Variants in STXBP3 observed in about 807,000 individuals in gnomAD.
STXBP3 encodes syntaxin binding protein 3.
A neutral mutation model predicts 85.7 loss-of-function variants in STXBP3; 41 were observed. The observed-to-expected ratio is 0.48, with a 90% CI of 0.37 to 0.62. STXBP3 has a LOEUF of 0.62. STXBP3 is among the 20% of genes least tolerant of loss of function. The pLI, the probability that STXBP3 is intolerant of heterozygous loss-of-function variation, is 0.00. For missense variants in STXBP3, 563 were observed against 703.1 expected (o/e 0.80, Z 2.25); for synonymous variants, 229 against 231.7 (o/e 0.99, Z 0.10).
At chr1:108,807,308 T>C in intron 17 of STXBP3, 93 bp from the exon 18 acceptor site, 1 of 1,270,168 alleles carries the variant, frequency 7.9e-7, no homozygotes, top group South Asian at 1.4e-5. Flanking sequence ...CAAGTTTGAG[T>C]TTGGTTGAGT....
chr1:108,758,081 C>T (rs1429054041), intron 4 of STXBP3, among the ~76,000 whole-genome samples: 2 of 151,842 alleles, frequency 1.3e-5, no homozygotes, highest in South Asian at 2.1e-4. Context: ...CTCACTGTGT[C>T]TCACTTCAAC....
At chr1:108,754,696 G>T (rs963233428) in intron 3 of STXBP3, among the ~76,000 whole-genome samples, 19 of 152,164 alleles carry the variant, frequency 1.2e-4, no homozygotes, top group Admixed American at 2.6e-4. Flanking sequence ...GTATTAAACA[G>T]AGCTCCACAG....
At chr1:108,779,497 C>T (rs541815907) in intron 9 of STXBP3, 87 bp downstream of exon 9, 21 of 1,342,442 alleles carry the variant, frequency 1.6e-5, no homozygotes, top group Admixed American at 2.5e-5. Flanking sequence ...CACCAGAAAT[C>T]TGAAAGCCCC....
At chr1:108,757,784 G>T (rs1230464324) in intron 4 of STXBP3, among the ~76,000 whole-genome samples, 1 of 151,698 alleles carries the variant, frequency 6.6e-6, no homozygotes, top group Admixed American at 6.6e-5. Context: ...ATAAATAAAT[G>T]GTTTAGCTAA....
chr1:108,806,202 A>G (rs76742156), intron 17 of STXBP3, among the ~76,000 whole-genome samples: 1,595 of 152,312 alleles, frequency 0.01, 22 homozygotes, highest in Middle Eastern at 0.031. Context: ...GAGCAGTGCT[A>G]GCCAATAGAA....
chr1:108,785,826 A>G (rs1003102836), intron 11 of STXBP3, among the ~76,000 whole-genome samples: 6 of 152,212 alleles, frequency 3.9e-5, no homozygotes, highest in Non-Finnish European at 2.9e-5. Flanking sequence ...CTGCTAAAGC[A>G]TAGCAAGAGT....
chr1:108,782,049 G>A (rs1662724715), intron 9 of STXBP3: 1 of 161,922 alleles, frequency 6.2e-6, no homozygotes, highest in Non-Finnish European at 1.3e-5. Flanking sequence ...TAATTGTACT[G>A]TGGGTTATTA....
intron 6 of STXBP3, among the ~76,000 whole-genome samples, chr1:108,772,262 TG>T (rs1662472030): frequency 1.3e-5 from 1 of 76,676 alleles, no homozygotes; most frequent in East Asian, 2.3e-4. Context: ...TAAATACATA[TG>T]ATATCTATCT....
chr1:108,798,010 C>T, intron 15 of STXBP3, 135 bp from the exon 16 acceptor site: 1 of 677,952 alleles, frequency 1.5e-6, no homozygotes, highest in Non-Finnish European at 2.4e-6. Flanking sequence ...TTAAAATAGG[C>T]ATCTCCACTC....
chr1:108,763,977 T>C (rs538710123), intron 6 of STXBP3, among the ~76,000 whole-genome samples: 2 of 152,274 alleles, frequency 1.3e-5, no homozygotes, highest in Admixed American at 1.3e-4. Flanking sequence ...GATTATTTCA[T>C]CACCCAGGTA....
intron 16 of STXBP3, among the ~76,000 whole-genome samples, chr1:108,799,649 C>T (rs1663190903): frequency 1.3e-5 from 2 of 152,160 alleles, no homozygotes; most frequent in South Asian, 4.1e-4. Flanking sequence ...AGTTCATGCA[C>T]ACCTAACCAT....
rs780485194 is a variant in STXBP3 at position 108,782,450 on chromosome 1, G to A, written c.838G>A (p.Ala280Thr). ...KYKTDGKEKE[A>T]ILEEEDDLWV... ...TAAAACAGATGGAAAAGAAAAGGAG[G>A]CCATCCTTGAAGAAGAAGATGACCT... is the stretch of plus-strand genomic sequence containing the variant. The change falls in exon 10 of 19, where the codon GCC (alanine) becomes ACC (threonine). Residue 280 changes from alanine (A) to threonine (T), a missense_variant. Physicochemically the swap from Ala to Thr is moderately conservative, Grantham distance 58 (BLOSUM62 0). Around this residue, in one of 3 missense-constraint regions of STXBP3, gnomAD observed 494 missense variants for 592.8 expected, o/e 0.83. Transcript: ENST00000370008. 1 of 1,613,580 alleles carries A rather than the reference G, an allele frequency of 6.2e-7. No individual in the cohort carries two copies.
chr1:108,804,398 C>T (rs577538155), intron 17 of STXBP3, among the ~76,000 whole-genome samples: 1 of 151,964 alleles, frequency 6.6e-6, no homozygotes, highest in South Asian at 2.1e-4. Context: ...TTTGTTATTT[C>T]TTATTTTGTC....
chr1:108,798,409 T>TC (rs1221875599), intron 16 of STXBP3, among the ~76,000 whole-genome samples, 172 bp downstream of exon 16: 2 of 146,422 alleles, frequency 1.4e-5, no homozygotes, highest in African/African-American at 5.0e-5. Context: ...TCTTCTTCTT[T>TC]TTTTTTTTTT....
chr1:108,782,749 T>A, intron 11 of STXBP3, 43 bp downstream of exon 11: 29 of 1,456,864 alleles, frequency 2.0e-5, no homozygotes, highest in South Asian at 2.5e-5. Context: ...TGAAGGTGAA[T>A]TTTAAAGTTT....
In STXBP3 at chr1:108,807,534, T is replaced by C; in HGVS notation, c.1669T>C (p.Cys557Arg). Residue 557 changes from cysteine (C) to arginine (R), a missense_variant, in exon 18 of 19, where the codon TGT becomes CGT. Cys to Arg is a radical substitution (Grantham distance 180, BLOSUM62 -3). Around this residue, in one of 3 missense-constraint regions of STXBP3, gnomAD observed 494 missense variants for 592.8 expected, o/e 0.83. Transcript: ENST00000370008. ...TGAAGTTTCTCAGGCACATAAATCCTGTGAAGTTATTATTGGTAAGACTTT... is the reference window on the plus strand; with the variant it reads ...TGAAGTTTCTCAGGCACATAAATCCCGTGAAGTTATTATTGGTAAGACTTT... ...AYEVSQAHKS[C>R]EVIIGSTHVL... 1 of 1,601,832 alleles carries C rather than the reference T, an allele frequency of 6.2e-7. No homozygotes were observed. The highest frequency in any genetic ancestry group is 1.4e-5 in the African/African-American group (1 of 73,982).
chr1:108,770,762 T>G lies in STXBP3; in HGVS notation c.439-1903T>G, dbSNP rs532608861. ...TTTAACGGGGAACTCTCAATACCATTTAGGGAGCTCCTGGCTTTTGTATCC... is the reference window on the plus strand; with the variant it reads ...TTTAACGGGGAACTCTCAATACCATGTAGGGAGCTCCTGGCTTTTGTATCC... On this transcript the variant is annotated intron_variant, in intron 6 of 18. Coordinates refer to ENST00000370008, the MANE Select transcript of STXBP3 (RefSeq NM_007269.4). 8.7e-5 allele frequency among the ~76,000 whole-genome samples: 7 copies of G among 80,532 alleles called. No individual in the cohort carries two copies. In the South Asian group the frequency reaches 2.0e-3, roughly 23 times the overall value. 52.8% of individuals were successfully genotyped at this position (80,532 alleles called of 152,430 possible).
intron 6 of STXBP3, among the ~76,000 whole-genome samples, chr1:108,760,467 ATTATTT>A (rs1478276126): frequency 6.6e-6 from 1 of 152,064 alleles, no homozygotes; most frequent in Non-Finnish European, 1.5e-5. Flanking sequence ...TATTATGTAA[ATTATTT>A]TAATTTATAA....
Position 108,792,433 on chromosome 1 carries a change from G to A in STXBP3, c.964-1149G>A, listed in dbSNP as rs182835436. ...TATGAGGCATGTAATATGTTTATAC[G>A]TGCATACAGTGTGTAATGATCAAAT... On this transcript the variant is annotated intron_variant, in intron 11 of 18. Transcript: ENST00000370008. Among the ~76,000 whole-genome samples, 447 of 152,178 alleles carry A rather than the reference G, an allele frequency of 2.9e-3. 1 individual carries two copies. Among genetic ancestry groups the A allele is most frequent in the African/African-American group, 0.01 (432 of 41,530 alleles).
Sources: allele counts gnomAD v4.1 joint callset (sites outside exome capture counted in the v4.1 genomes callset), GRCh38; gene constraint gnomAD v4.1.1; regional missense constraint gnomAD v4.1.1; transcripts MANE v1.5; gene names NCBI Gene and HGNC (gene_info 2026-07-23, HGNC 2026-07-21).